Variants in ADARB1 observed in about 807,000 individuals in gnomAD.
ADARB1 encodes the protein adenosine deaminase RNA specific B1, also known as double-stranded RNA-specific editase 1.
In ADARB1, 10 loss-of-function variants were observed where a neutral mutation model predicts 52.4. The ratio of observed to expected loss-of-function variants is 0.19; its 90% CI spans 0.12 to 0.32. ADARB1 has a LOEUF of 0.32. Ranked by LOEUF, ADARB1 falls within the 10% of genes least tolerant of loss-of-function variation. The probability of loss-of-function intolerance (pLI) is 1.00; values close to 1 mark genes in which losing one functional copy is unlikely to be tolerated. For synonymous variants in ADARB1, 349 were observed against 371.1 expected, an observed-to-expected ratio of 0.94 and a Z score of 0.68; for missense variants, 643 against 922.3, an observed-to-expected ratio of 0.70 and a Z score of 3.92.
At chr21:45,173,130 A>T (rs112927775) in intron 3 of ADARB1, among the ~76,000 whole-genome samples, 1,956 of 152,304 alleles carry the variant, frequency 0.013, 45 homozygotes, top group African/African-American at 0.045. Context: ...AGGTTCTGGA[A>T]CTATCCCCAA....
chr21:45,117,842 C>T (rs926328384), intron 1 of ADARB1, among the ~76,000 whole-genome samples: 2 of 152,168 alleles, frequency 1.3e-5, no homozygotes, highest in Non-Finnish European at 2.9e-5. Context: ...CCCCATGCCC[C>T]GTTTCCAGAG....
In ADARB1 at chr21:45,222,272, T is replaced by C; in HGVS notation, c.*75T>C. 1 of 1,285,094 alleles carries C rather than the reference T, an allele frequency of 7.8e-7. No homozygotes were observed. Among genetic ancestry groups the C allele is most frequent in the Non-Finnish European group, 1.0e-6 (1 of 999,350 alleles). The allele number at this position is 1,285,094 out of a possible 1,614,324, so 79.6% of individuals were successfully genotyped here. A position where few individuals can be genotyped will look rare whatever the true frequency, so the allele number is the denominator to read the frequency against. On this transcript the variant is annotated 3_prime_UTR_variant, in exon 11 of 11. Coordinates refer to ENST00000348831, the MANE Select transcript of ADARB1 (RefSeq NM_001112.4). Reference sequence around the variant, plus strand: ...ATCCTCCAGAACCTCACATCTGAACTGGGGGCAGGTGCATACCTTGGGGAG... The same window carrying C: ...ATCCTCCAGAACCTCACATCTGAACCGGGGGCAGGTGCATACCTTGGGGAG...
chr21:45,205,745 C>T (rs572688896), intron 9 of ADARB1, among the ~76,000 whole-genome samples: 17 of 152,186 alleles, frequency 1.1e-4, no homozygotes, highest in Non-Finnish European at 2.5e-4. Flanking sequence ...TAAAAGGACA[C>T]AGTTAAGGTA....
intron 2 of ADARB1, among the ~76,000 whole-genome samples, chr21:45,167,237 T>C (rs556087286): frequency 2.0e-5 from 3 of 152,310 alleles, no homozygotes; most frequent in East Asian, 3.9e-4. Flanking sequence ...AATTTTAATA[T>C]GTAAGGGCAG....
chr21:45,180,320 TCCC>T lies in ADARB1; in HGVS notation c.964-9_964-7del. ...CTGGCCCCTAACCTGCATCTGTGCTTCCCACACAGGTTTTAGCTGACGCTGTCT... is the reference window on the plus strand; with the variant it reads ...CTGGCCCCTAACCTGCATCTGTGCTTACACAGGTTTTAGCTGACGCTGTCT... On this transcript the variant is annotated splice_polypyrimidine_tract_variant and splice_region_variant and intron_variant, in intron 4 of 10. Coordinates refer to ENST00000348831, the MANE Select transcript of ADARB1 (RefSeq NM_001112.4). The T allele has an allele frequency of 6.2e-7, 1 of 1,607,642 alleles. No individual in the cohort carries two copies. The highest frequency in any genetic ancestry group is 8.5e-7 in the Non-Finnish European group (1 of 1,174,568).
At position 45,155,028 on chromosome 21, in the gene ADARB1, T is replaced by C. The variant is rs192726150; in HGVS notation, c.-47-16582T>C. On this transcript the variant is annotated intron_variant, in intron 2 of 10. Transcript: ENST00000348831. ...CTTCAGTCCCCACCCTCCTGCTGTC[T>C]GAATAGCATCCTGTATTTCCAGATG... 2.5e-4 allele frequency among the ~76,000 whole-genome samples: 38 copies of C among 152,384 alleles called. No individual in the cohort carries two copies. The East Asian group carries it at 6.4e-3, about 25-fold the overall frequency.
chr21:45,204,003 T>A lies in ADARB1; in HGVS notation c.1566-552T>A, dbSNP rs1345904539. Among the ~76,000 whole-genome samples, 3 of 152,216 alleles carry A rather than the reference T, an allele frequency of 2.0e-5. No homozygotes were observed. Among genetic ancestry groups the A allele is most frequent in the Admixed American group, 2.0e-4 (3 of 15,282 alleles). On this transcript the variant is annotated intron_variant, in intron 8 of 10. Transcript: ENST00000348831. The surrounding 1 kb of genome is among the most constrained non-coding windows in gnomAD (Gnocchi z 4.4). ...AAGAGTGACTTGAACACAAGCACAG[T>A]GATGCTGTGGCCATCAATCTTATCA...
At chr21:45,161,142 C>T (rs997639331) in intron 2 of ADARB1, among the ~76,000 whole-genome samples, 1 of 152,118 alleles carries the variant, frequency 6.6e-6, no homozygotes. Flanking sequence ...TTGCTGCTGC[C>T]GTGGTGTCAG....
rs1415380315 is a variant in ADARB1, at chr21:45,176,752, G to A, written c.963+88G>A. 15 of 1,362,466 alleles carry A rather than the reference G, an allele frequency of 1.1e-5. No homozygotes were observed. In the East Asian group the frequency reaches 3.5e-4, roughly 32 times the overall value. 84.4% of individuals were successfully genotyped at this position (1,362,466 alleles called of 1,614,324 possible). On this transcript the variant is annotated intron_variant, in intron 4 of 10. Transcript: ENST00000348831. The surrounding 1 kb of genome is among the most constrained non-coding windows in gnomAD (Gnocchi z 5.8). ...GCATTTTAGTTTCAGGATTACTGTT[G>A]ACTTTCCACCTTGACATCACTCTGT...
chr21:45,140,699 T>C (rs899165938), intron 2 of ADARB1, among the ~76,000 whole-genome samples: 4 of 152,288 alleles, frequency 2.6e-5, no homozygotes, highest in Non-Finnish European at 5.9e-5. Flanking sequence ...AAGCTTTCTG[T>C]TCCCTGGCTT....
At chr21:45,109,224 C>T (rs1465498920) in intron 1 of ADARB1, among the ~76,000 whole-genome samples, 1 of 144,882 alleles carries the variant, frequency 6.9e-6, no homozygotes, top group Non-Finnish European at 1.5e-5. Flanking sequence ...TGTGTGCGCG[C>T]TTGTGTGTAT....
chr21:45,098,488 C>T (rs929346102), intron 1 of ADARB1, among the ~76,000 whole-genome samples: 19 of 152,188 alleles, frequency 1.2e-4, no homozygotes, highest in Non-Finnish European at 1.6e-4. Context: ...TCTCCCATCC[C>T]GTCCTGACCT....
At position 45,224,278 on chromosome 21, in the gene ADARB1, C is replaced by T; in HGVS notation, c.*2081C>T. 8 of 985,430 alleles carry T rather than the reference C, an allele frequency of 8.1e-6. No individual in the cohort carries two copies. Among genetic ancestry groups the T allele is most frequent in the Non-Finnish European group, 9.6e-6 (8 of 829,940 alleles). 61.0% of individuals were successfully genotyped at this position (985,430 alleles called of 1,614,324 possible). On this transcript the variant is annotated 3_prime_UTR_variant, in exon 11 of 11. Coordinates refer to ENST00000348831, the MANE Select transcript of ADARB1 (RefSeq NM_001112.4). ...GGTATGTCTGGCTTTTCCCTTCTGT[C>T]AGGTAATAGCTAAAGTCAGCATGAT...
intron 5 of ADARB1, among the ~76,000 whole-genome samples, chr21:45,181,883 A>C (rs1191571304): frequency 6.6e-6 from 1 of 152,240 alleles, no homozygotes. Context: ...GAATGCAGTG[A>C]GGACAATTTA....
At chr21:45,180,215 C>T (rs985369228) in intron 4 of ADARB1, 115 bp from the exon 5 acceptor site, 1 of 736,148 alleles carries the variant, frequency 1.4e-6, no homozygotes, top group South Asian at 1.6e-5. Context: ...TGTGGTCTTC[C>T]AGATGAGAAG....
Position 45,222,537 on chromosome 21 carries a change from T to C in ADARB1, c.*340T>C. On this transcript the variant is annotated 3_prime_UTR_variant, in exon 11 of 11. Coordinates refer to ENST00000348831, the MANE Select transcript of ADARB1 (RefSeq NM_001112.4). Reference sequence around the variant, plus strand: ...TAGGGCTTCCTTAAGTTTAGGAAAATAGAAATTACTTTGTGTGAAATTCTT... The same window carrying C: ...TAGGGCTTCCTTAAGTTTAGGAAAACAGAAATTACTTTGTGTGAAATTCTT... 1 of 1,088,548 alleles carries C rather than the reference T, an allele frequency of 9.2e-7. No homozygotes were observed. The highest frequency in any genetic ancestry group is 1.1e-6 in the Non-Finnish European group (1 of 896,770). The allele number at this position is 1,088,548 out of a possible 1,614,324, so 67.4% of individuals were successfully genotyped here.
chr21:45,074,881 A>T (rs1217863462), intron 1 of ADARB1, 88 bp downstream of exon 1: 3 of 148,432 alleles, frequency 2.0e-5, no homozygotes, highest in Admixed American at 6.7e-5. Context: ...CCGGGCAGGG[A>T]CTGGTGGTGG....
chr21:45,172,203 C>T lies in ADARB1; in HGVS notation c.28+519C>T, dbSNP rs868424279. ...GGGACTGGTGTGGGCCTCCTCCTTC[C>T]GTGCTGTTCTCTCTGGTGCCGGGGT... On this transcript the variant is annotated intron_variant, in intron 3 of 10. Transcript: ENST00000348831. This position sits in a 1 kb window ranked among gnomAD's most constrained non-coding sequence, Gnocchi z 4.4. Among the ~76,000 whole-genome samples the T allele has an allele frequency of 2.0e-5, 3 of 152,078 alleles. No homozygotes were observed. The highest frequency in any genetic ancestry group is 7.2e-5 in the African/African-American group (3 of 41,404).
chr21:45,184,287 A>C (rs1195528014), intron 7 of ADARB1, among the ~76,000 whole-genome samples: 1 of 152,152 alleles, frequency 6.6e-6, no homozygotes, highest in South Asian at 2.1e-4. Flanking sequence ...CATCACCCAG[A>C]ATTAGCAAAT....
Sources: allele counts gnomAD v4.1 joint callset (sites outside exome capture counted in the v4.1 genomes callset), GRCh38; gene constraint gnomAD v4.1.1; non-coding constraint Gnocchi (gnomAD v3.1); transcripts MANE v1.5; gene names NCBI Gene and HGNC (gene_info 2026-07-23, HGNC 2026-07-21).